Variants in HPSE2 observed in about 807,000 individuals in gnomAD.
HPSE2 encodes the protein inactive heparanase-2.
In HPSE2, 38 loss-of-function variants were observed where a neutral mutation model predicts 60.5. That is an observed-to-expected ratio of 0.63 (90% CI 0.48 to 0.82). HPSE2 has a LOEUF of 0.82. HPSE2 is among the 40% of genes least tolerant of loss of function. HPSE2 has a pLI of 0.00. For missense variants in HPSE2, 713 were observed against 740.4 expected, an observed-to-expected ratio of 0.96 and a Z score of 0.43; for synonymous variants, 295 against 293.2, an observed-to-expected ratio of 1.01 and a Z score of -0.06.
At chr10:98,570,451 A>ATTT (rs10636449) in intron 9 of HPSE2, among the ~76,000 whole-genome samples, 3,365 of 147,650 alleles carry the variant, frequency 0.023, 46 homozygotes, top group Non-Finnish European at 0.027. Context: ...GTTTTTGTGG[A>ATTT]TTTTTTTTTT....
intron 2 of HPSE2, among the ~76,000 whole-genome samples, chr10:99,163,839 G>C (rs766959573): frequency 5.3e-5 from 8 of 151,260 alleles, no homozygotes; most frequent in Non-Finnish European, 1.0e-4. Context: ...CCTCAATTTG[G>C]GCTGACAGAA....
chr10:99,311,384 A>G, the HPSE2 span, among the ~76,000 whole-genome samples: 1 of 152,194 alleles, frequency 6.6e-6, no homozygotes, highest in African/African-American at 2.4e-5. Flanking sequence ...TTCCAACAAC[A>G]TGTGCTCACT....
chr10:98,751,917 T>G (rs1048369890), intron 3 of HPSE2, among the ~76,000 whole-genome samples: 3 of 152,310 alleles, frequency 2.0e-5, no homozygotes, highest in African/African-American at 7.2e-5. Flanking sequence ...GAAGTTAAAA[T>G]TTAAGGGTTT....
At chr10:98,620,524 G>T in intron 8 of HPSE2, 78 bp downstream of exon 8, 1 of 1,038,718 alleles carries the variant, frequency 9.6e-7, no homozygotes, top group Non-Finnish European at 1.5e-6. Context: ...AGGATGGGCA[G>T]AATAATCAGC....
chr10:98,634,562 G>A (rs1381888047), intron 7 of HPSE2, among the ~76,000 whole-genome samples: 1 of 152,056 alleles, frequency 6.6e-6, no homozygotes, highest in African/African-American at 2.4e-5. Context: ...TTTACTAAGA[G>A]GATCAAATAA....
intron 2 of HPSE2, among the ~76,000 whole-genome samples, chr10:99,176,677 G>C (rs1006391858): frequency 2.0e-5 from 3 of 152,088 alleles, no homozygotes; most frequent in Non-Finnish European, 4.4e-5. Flanking sequence ...AGGGAGAATG[G>C]AGCCAAGTTG....
In HPSE2 at chr10:99,128,103, C is replaced by T. The variant is rs564298128; in HGVS notation, c.610+16135G>A. On this transcript the variant is annotated intron_variant, in intron 3 of 11. Coordinates refer to ENST00000370552, the MANE Select transcript of HPSE2 (RefSeq NM_021828.5). The stretch of plus-strand genomic sequence containing the variant: ...AATGGGGAAAAAAACACAAGGTATT[C>T]AGGCAACAATTAGAATACAGAACAG... Among the ~76,000 whole-genome samples, 6 of 152,270 alleles carry T rather than the reference C, an allele frequency of 3.9e-5. 1 individual carries two copies. The South Asian group carries it at 8.3e-4, about 21-fold the overall frequency.
At chr10:99,128,580 A>G (rs761359333) in intron 3 of HPSE2, among the ~76,000 whole-genome samples, 20 of 152,150 alleles carry the variant, frequency 1.3e-4, no homozygotes, top group Non-Finnish European at 2.6e-4. Context: ...CTAACAAAGG[A>G]ATAGAAAACC....
chr10:99,274,637 A>G, the HPSE2 span, among the ~76,000 whole-genome samples: 9 of 152,212 alleles, frequency 5.9e-5, no homozygotes, highest in African/African-American at 2.2e-4. Context: ...ACGTTAAAAA[A>G]AAATTCAACC....
At chr10:99,015,634 C>G (rs1488475654) in intron 3 of HPSE2, among the ~76,000 whole-genome samples, 2 of 146,946 alleles carry the variant, frequency 1.4e-5, no homozygotes, top group African/African-American at 2.6e-5. Flanking sequence ...CACATGGACA[C>G]AGGAAGGGGA....
intron 2 of HPSE2, among the ~76,000 whole-genome samples, chr10:99,154,814 G>C (rs986605394): frequency 5.9e-5 from 9 of 151,940 alleles, no homozygotes; most frequent in Non-Finnish European, 1.0e-4. Flanking sequence ...TGGCAAATTG[G>C]ATAAAGAGTC....
At chr10:99,165,059 G>C (rs1847018565) in intron 2 of HPSE2, among the ~76,000 whole-genome samples, 1 of 121,108 alleles carries the variant, frequency 8.3e-6, no homozygotes, top group Non-Finnish European at 1.6e-5. Flanking sequence ...CTCCAGTCTG[G>C]CAACAGAGCA....
intron 11 of HPSE2, among the ~76,000 whole-genome samples, chr10:98,468,903 G>A (rs572401574): frequency 6.6e-6 from 1 of 152,300 alleles, no homozygotes; most frequent in South Asian, 2.1e-4. Context: ...AGGCTGAGAA[G>A]TTTATTTGCC....
intron 3 of HPSE2, among the ~76,000 whole-genome samples, chr10:98,960,767 T>C (rs1955655346): frequency 6.9e-6 from 1 of 144,248 alleles, no homozygotes; most frequent in Non-Finnish European, 1.5e-5. Context: ...ACTCTAAGTT[T>C]TAGGGTACAT....
the HPSE2 span, among the ~76,000 whole-genome samples, chr10:99,247,127 C>T: frequency 5.3e-5 from 8 of 152,182 alleles, no homozygotes; most frequent in South Asian, 1.7e-3. Flanking sequence ...CACAAGCATA[C>T]ACACATACCC....
chr10:98,868,476 A>G (rs117823585), intron 3 of HPSE2, among the ~76,000 whole-genome samples: 1 of 152,086 alleles, frequency 6.6e-6, no homozygotes, highest in Non-Finnish European at 1.5e-5. Context: ...TAATTAAATC[A>G]TACATTTAAA....
intron 3 of HPSE2, among the ~76,000 whole-genome samples, chr10:98,942,152 T>A (rs2135157302): frequency 7.2e-6 from 1 of 138,176 alleles, no homozygotes; most frequent in South Asian, 2.2e-4. Context: ...GGCATTACCA[T>A]TCAGGACATA....
chr10:98,867,508 G>C (rs1265125588), intron 3 of HPSE2, among the ~76,000 whole-genome samples: 1 of 152,062 alleles, frequency 6.6e-6, no homozygotes, highest in Non-Finnish European at 1.5e-5. Context: ...AAATGCTGAC[G>C]AGCATGTAGA....
rs12570300 is a variant in HPSE2 at position 99,232,218 on chromosome 10, C to T, written c.448+130G>A. Reference sequence around the variant, plus strand: ...GCCCCAACGCGCGCGCGCGCATACACACACACACACACACACACACACACA... The same window carrying T: ...GCCCCAACGCGCGCGCGCGCATACATACACACACACACACACACACACACA... On this transcript the variant is annotated intron_variant, in intron 2 of 11. Transcript: ENST00000370552. 0.19 allele frequency: 25,362 copies of T among 133,158 alleles called. 4,536 individuals are homozygous for T. The highest frequency in any genetic ancestry group is 0.25 in the Non-Finnish European group (20,828 of 82,924). 8.2% of individuals were successfully genotyped at this position (133,158 alleles called of 1,614,324 possible).
Sources: allele counts gnomAD v4.1 joint callset (sites outside exome capture counted in the v4.1 genomes callset), GRCh38; gene constraint gnomAD v4.1.1; transcripts MANE v1.5; gene names NCBI Gene and HGNC (gene_info 2026-07-23, HGNC 2026-07-21).